The following MARCHF1 variants were observed in gnomAD, a reference collection of about 807,000 sequenced individuals.
MARCHF1 encodes E3 ubiquitin-protein ligase MARCHF1.
Under a neutral mutation model 54.2 loss-of-function variants are expected in MARCHF1, and 40 were observed. The observed-to-expected ratio is 0.74, with a 90% CI of 0.57 to 0.96. The LOEUF is 0.96. MARCHF1 is among the 40% of genes least tolerant of loss of function. The pLI, the probability that MARCHF1 is intolerant of heterozygous loss-of-function variation, is 0.00. For missense variants in MARCHF1, 586 were observed against 656.5 expected (o/e 0.89, Z 1.17); for synonymous variants, 236 against 236.3 (o/e 1.00, Z 0.01).
intron 8 of MARCHF1, among the ~76,000 whole-genome samples, chr4:163,556,543 ATTGAG>A (rs1739292397): frequency 7.4e-6 from 1 of 134,576 alleles, no homozygotes; most frequent in African/African-American, 2.5e-5. Context: ...ATTTAATGTA[ATTGAG>A]TTGATTTTTT....
chr4:164,118,352 C>T (rs1319064709), intron 1 of MARCHF1, among the ~76,000 whole-genome samples: 1 of 151,150 alleles, frequency 6.6e-6, no homozygotes, highest in East Asian at 1.9e-4. Context: ...AAAATTAAAA[C>T]TGACCACAGA....
intron 1 of MARCHF1, among the ~76,000 whole-genome samples, chr4:164,173,164 A>G (rs1411648196): frequency 1.3e-5 from 2 of 152,230 alleles, no homozygotes; most frequent in African/African-American, 2.4e-5. Context: ...GAACCATTAA[A>G]CACACATTCC....
chr4:164,291,222 T>C (rs1250218558), intron 1 of MARCHF1, among the ~76,000 whole-genome samples: 1 of 152,020 alleles, frequency 6.6e-6, no homozygotes, highest in Non-Finnish European at 1.5e-5. Context: ...AGCAGCATTT[T>C]TGATTACTCA....
chr4:163,623,846 A>G (rs1056959274), intron 5 of MARCHF1, among the ~76,000 whole-genome samples: 11 of 152,108 alleles, frequency 7.2e-5, no homozygotes, highest in Non-Finnish European at 1.5e-4. Context: ...CTGCACCAAC[A>G]TCCTTGTCAC....
At chr4:164,300,857 G>A (rs548021717) in intron 1 of MARCHF1, among the ~76,000 whole-genome samples, 112 of 152,250 alleles carry the variant, frequency 7.4e-4, no homozygotes, top group South Asian at 1.2e-3. Flanking sequence ...CATGCAAATG[G>A]TAAAGCGGGA....
intron 4 of MARCHF1, among the ~76,000 whole-genome samples, chr4:163,822,416 C>T (rs757512417): frequency 6.6e-6 from 1 of 151,662 alleles, no homozygotes; most frequent in South Asian, 2.1e-4. Context: ...AAATTTTAAG[C>T]CAGTTGTTTA....
intron 3 of MARCHF1, among the ~76,000 whole-genome samples, chr4:163,919,178 T>TTTGAAATGTTAAATA (rs1751372547): frequency 6.6e-6 from 1 of 152,136 alleles, no homozygotes. Context: ...TTGAATTTTA[T>TTTGAAATGTTAAATA]TTGAAAAGCA....
chr4:163,670,928 T>G (rs1262756521), intron 5 of MARCHF1, among the ~76,000 whole-genome samples: 1 of 152,222 alleles, frequency 6.6e-6, no homozygotes, highest in African/African-American at 2.4e-5. Context: ...TATTTCTGTT[T>G]ATTAATCTTT....
At chr4:163,898,202 A>C (rs1417542233) in intron 3 of MARCHF1, among the ~76,000 whole-genome samples, 1 of 152,130 alleles carries the variant, frequency 6.6e-6, no homozygotes, top group Non-Finnish European at 1.5e-5. Context: ...AGATTTAATG[A>C]AACTAAAAAG....
chr4:163,562,747 AT>A (rs1197128656), intron 8 of MARCHF1, among the ~76,000 whole-genome samples: 1 of 152,120 alleles, frequency 6.6e-6, no homozygotes, highest in East Asian at 1.9e-4. Flanking sequence ...TCCCAAACCC[AT>A]GTGTCCTGAT....
chr4:164,039,573 A>T (rs1414318997), intron 2 of MARCHF1, among the ~76,000 whole-genome samples: 1 of 152,182 alleles, frequency 6.6e-6, no homozygotes, highest in Non-Finnish European at 1.5e-5. Flanking sequence ...AAGTTGCATT[A>T]TCAGGAAGAA....
intron 4 of MARCHF1, among the ~76,000 whole-genome samples, chr4:163,741,619 G>T (rs760005862): frequency 1.3e-5 from 2 of 151,772 alleles, no homozygotes; most frequent in Non-Finnish European, 2.9e-5. Context: ...TAATATCAGC[G>T]TGTTTAAGCA....
chr4:163,652,309 T>C (rs1742995224), intron 5 of MARCHF1, among the ~76,000 whole-genome samples: 1 of 151,846 alleles, frequency 6.6e-6, no homozygotes, highest in Admixed American at 6.6e-5. Flanking sequence ...TAGAATAACA[T>C]TCAAACACTT....
At chr4:163,963,589 TA>T (rs1336187089) in intron 3 of MARCHF1, among the ~76,000 whole-genome samples, 1 of 151,916 alleles carries the variant, frequency 6.6e-6, no homozygotes, top group Non-Finnish European at 1.5e-5. Context: ...GGTCCTATGA[TA>T]AACCATGCTT....
chr4:164,265,420 T>C (rs1040844445), intron 1 of MARCHF1, among the ~76,000 whole-genome samples: 3 of 151,286 alleles, frequency 2.0e-5, no homozygotes, highest in Admixed American at 6.6e-5. Flanking sequence ...TTGGAATATA[T>C]GCTTCATTCA....
At chr4:164,006,980 T>C in intron 2 of MARCHF1, among the ~76,000 whole-genome samples, 1 of 30,548 alleles carries the variant, frequency 3.3e-5, no homozygotes, top group Admixed American at 5.5e-4. Context: ...TAGAGGGAGC[T>C]CTGAAATCTG....
At chr4:163,820,417 C>CT (rs1748659339) in intron 4 of MARCHF1, among the ~76,000 whole-genome samples, 1 of 152,140 alleles carries the variant, frequency 6.6e-6, no homozygotes, top group South Asian at 2.1e-4. Context: ...ATTCCCTAGA[C>CT]TTTTTTCTTG....
At chr4:164,281,463 G>C (rs2111338638) in intron 1 of MARCHF1, among the ~76,000 whole-genome samples, 1 of 152,260 alleles carries the variant, frequency 6.6e-6, no homozygotes, top group South Asian at 2.1e-4. Context: ...TCCTAGGGGG[G>C]CTGATGTTAG....
chr4:163,612,392 C>T lies in MARCHF1; in HGVS notation c.889G>A (p.Glu297Lys). Residue 297 changes from glutamate to lysine, a missense_variant, in exon 7 of 10, where the codon GAA (glutamate) becomes AAA (lysine). Physicochemically the swap from Glu to Lys is moderately conservative, Grantham distance 56. Around this residue, in one of 3 missense-constraint regions of MARCHF1, gnomAD observed 387 missense variants for 394.6 expected, o/e 0.98. Coordinates refer to ENST00000514618, the MANE Select transcript of MARCHF1 (RefSeq NM_001394959.1). ...KTFSETDSST[E>K]ILGVPEGSKD... The stretch of plus-strand genomic sequence containing the variant: ...CTGCCTTCTGGAACTCCCAGTATTT[C>T]AGTGCTGGAATCTGTTTCTGAAAAT... 6.5e-7 allele frequency: 1 copy of T among 1,535,440 alleles called. No individual in the cohort carries two copies. The highest frequency in any genetic ancestry group is 8.7e-7 in the Non-Finnish European group (1 of 1,146,454).
Sources: gnomAD v4.1 joint callset for allele counts (sites outside exome capture counted in the v4.1 genomes callset) on GRCh38, gnomAD v4.1.1 for gene constraint, gnomAD v4.1.1 regional missense constraint, MANE v1.5 for transcripts, NCBI Gene and HGNC (gene_info 2026-07-23, HGNC 2026-07-21) for gene names.